PCCB: variants seen among roughly 807,000 people sequenced by gnomAD.
PCCB encodes propionyl-CoA carboxylase subunit beta.
Under a neutral mutation model 60.7 loss-of-function variants are expected in PCCB, and 43 were observed. That is an observed-to-expected ratio of 0.71 (90% CI 0.55 to 0.91). The LOEUF (loss-of-function observed/expected upper bound fraction) is 0.91, where lower values mean the gene tolerates loss of function less well. Among genes scored for constraint, PCCB ranks in the 40% least tolerant of loss-of-function variants. PCCB has a pLI of 0.00. For missense variants in PCCB, 766 were observed against 702.8 expected (o/e 1.09, Z -1.02); for synonymous variants, 276 against 255.9 (o/e 1.08, Z -0.75).
chr3:136,290,102 A>G lies in PCCB; in HGVS notation c.655-3654A>G, dbSNP rs556279991. ...AAAAGTTTTCATTTTACCTTCATTT[A>G]TTCCTTCTTGAATGCTCTTTCTTTC... On this transcript the variant is annotated intron_variant, in intron 6 of 14. Coordinates refer to ENST00000251654, the MANE Select transcript of PCCB (RefSeq NM_000532.5). Among the ~76,000 whole-genome samples the G allele has an allele frequency of 2.0e-5, 3 of 152,234 alleles. No homozygotes were observed. In the East Asian group the frequency reaches 5.8e-4, roughly 29 times the overall value.
At chr3:136,313,356 A>G (rs192511651) in intron 9 of PCCB, among the ~76,000 whole-genome samples, 96 of 151,674 alleles carry the variant, frequency 6.3e-4, no homozygotes, top group African/African-American at 2.3e-3. Context: ...GATTGGTTGA[A>G]TAAACTTTGG....
At chr3:136,313,226 C>T (rs757140671) in intron 9 of PCCB, among the ~76,000 whole-genome samples, 5 of 152,200 alleles carry the variant, frequency 3.3e-5, no homozygotes, top group African/African-American at 1.2e-4. Flanking sequence ...CCTGAAGATA[C>T]ACTTCCCACC....
intron 6 of PCCB, among the ~76,000 whole-genome samples, chr3:136,289,245 A>G (rs1040687502): frequency 2.0e-4 from 31 of 152,124 alleles, no homozygotes; most frequent in African/African-American, 6.3e-4. Flanking sequence ...AAGATCTTCA[A>G]CTGTAATCAT....
intron 6 of PCCB, among the ~76,000 whole-genome samples, chr3:136,287,384 C>A (rs1221277976): frequency 1.3e-5 from 2 of 150,426 alleles, no homozygotes; most frequent in Non-Finnish European, 3.0e-5. Flanking sequence ...ACTTTAATAG[C>A]TGTGTAGTAA....
intron 3 of PCCB, chr3:136,260,038 C>A: frequency 3.7e-6 from 1 of 269,254 alleles, no homozygotes; most frequent in Non-Finnish European, 7.1e-6. Context: ...AGGTGCGAGC[C>A]ACCATGCCCG....
In PCCB at chr3:136,288,711, C is replaced by T. The variant is rs562496135; in HGVS notation, c.654+4764C>T. Among the ~76,000 whole-genome samples, 5 of 152,222 alleles carry T rather than the reference C, an allele frequency of 3.3e-5. No homozygotes were observed. The East Asian group carries it at 9.6e-4, about 29-fold the overall frequency. On this transcript the variant is annotated intron_variant, in intron 6 of 14. Transcript: ENST00000251654. ...CTGGAGTGCAGTGGTATGATCATAG[C>T]TTACCACAGCCTCGACCTGCTGGGC...
intron 5 of PCCB, among the ~76,000 whole-genome samples, chr3:136,264,264 A>G (rs897416015): frequency 6.6e-6 from 1 of 151,906 alleles, no homozygotes; most frequent in Admixed American, 6.6e-5. Flanking sequence ...CTCTTAAATA[A>G]CCAGAATACA....
rs1941511676 is a variant in PCCB, at chr3:136,251,402, C to T, written c.183+844C>T. 9 of 445,042 alleles carry T rather than the reference C, an allele frequency of 2.0e-5. No individual in the cohort carries two copies. In the Admixed American group the frequency reaches 2.2e-4, roughly 11 times the overall value. 27.6% of individuals were successfully genotyped at this position (445,042 alleles called of 1,614,324 possible). ...AACGGGAAGGTGCAGAAGTGAAACTCTTACAGATGAAGAGTATTCAGGCAC... is the reference window on the plus strand; with the variant it reads ...AACGGGAAGGTGCAGAAGTGAAACTTTTACAGATGAAGAGTATTCAGGCAC... On this transcript the variant is annotated intron_variant, in intron 1 of 14. Transcript: ENST00000251654.
chr3:136,253,541 C>T (rs1203302311), intron 1 of PCCB, among the ~76,000 whole-genome samples: 3 of 151,714 alleles, frequency 2.0e-5, no homozygotes, highest in African/African-American at 7.3e-5. Context: ...CGTGCCACCA[C>T]ACCTGGCTAA....
intron 10 of PCCB, among the ~76,000 whole-genome samples, chr3:136,326,034 G>T (rs1055131590): frequency 1.3e-5 from 2 of 151,606 alleles, no homozygotes; most frequent in African/African-American, 4.8e-5. Context: ...GGATGGTCTC[G>T]ATCTCTTGAC....
At chr3:136,329,846 T>C in intron 14 of PCCB, 59 bp from the exon 15 acceptor site, 1 of 1,599,978 alleles carries the variant, frequency 6.3e-7, no homozygotes, top group South Asian at 1.1e-5. Context: ...AGCAGAAGGT[T>C]GAGGGGTGGC....
rs962722858 is a variant in PCCB at position 136,252,662 on chromosome 3, AT to A, written c.183+2125del. Among the ~76,000 whole-genome samples, 556 of 120,898 alleles carry A rather than the reference AT, an allele frequency of 4.6e-3. 1 individual carries two copies. Among genetic ancestry groups the A allele is most frequent in the Middle Eastern group, 9.5e-3 (2 of 210 alleles). The allele number at this position is 120,898 out of a possible 152,430, so 79.3% of individuals were successfully genotyped here. ...TCCACTTCAGCCTCCTACCCAGCTA[AT>A]TTTTTTTTTTTTTTTTTTTTGGTAG... On this transcript the variant is annotated intron_variant, in intron 1 of 14. Transcript: ENST00000251654.
At chr3:136,268,743 C>T (rs1942106610) in intron 5 of PCCB, among the ~76,000 whole-genome samples, 1 of 151,942 alleles carries the variant, frequency 6.6e-6, no homozygotes, top group Non-Finnish European at 1.5e-5. Context: ...GGATTACAAG[C>T]GTGAGCCACC....
At chr3:136,317,123 C>A (rs1225583704) in intron 10 of PCCB, 59 bp downstream of exon 10, 1 of 1,579,932 alleles carries the variant, frequency 6.3e-7, no homozygotes, top group Admixed American at 1.7e-5. Flanking sequence ...AAGCCTGGGT[C>A]CATGGTATCC....
At chr3:136,296,262 T>G (rs1373404451) in intron 7 of PCCB, among the ~76,000 whole-genome samples, 1 of 152,202 alleles carries the variant, frequency 6.6e-6, no homozygotes, top group East Asian at 1.9e-4. Flanking sequence ...CACTCTGCAT[T>G]TCAACCACAG....
chr3:136,269,074 A>G (rs1051796842), intron 5 of PCCB, among the ~76,000 whole-genome samples: 1 of 152,092 alleles, frequency 6.6e-6, no homozygotes, highest in African/African-American at 2.4e-5. Context: ...TGAGGTCACA[A>G]GTTCGAGACT....
chr3:136,323,657 T>C (rs1264431411), intron 10 of PCCB, among the ~76,000 whole-genome samples: 1 of 151,928 alleles, frequency 6.6e-6, no homozygotes, highest in Non-Finnish European at 1.5e-5. Context: ...TGGCAGAGGG[T>C]GCCTGTAGTC....
chr3:136,300,779 T>C (rs1934240450), intron 8 of PCCB, among the ~76,000 whole-genome samples: 2 of 152,180 alleles, frequency 1.3e-5, no homozygotes, highest in Non-Finnish European at 2.9e-5. Flanking sequence ...AAGAATAACG[T>C]TTAGAGGAAT....
chr3:136,290,365 C>G (rs1380454372), intron 6 of PCCB, among the ~76,000 whole-genome samples: 4 of 152,150 alleles, frequency 2.6e-5, no homozygotes, highest in African/African-American at 7.2e-5. Context: ...TTCGTTCTTG[C>G]ATGGTTTCTA....
Sources: gnomAD v4.1 joint callset for allele counts (sites outside exome capture counted in the v4.1 genomes callset) on GRCh38, gnomAD v4.1.1 for gene constraint, MANE v1.5 for transcripts, NCBI Gene and HGNC (gene_info 2026-07-23, HGNC 2026-07-21) for gene names.